The following S100A10 variants were observed in gnomAD, a reference collection of about 807,000 sequenced individuals.
S100A10 encodes the protein S100 calcium binding protein A10.
S100A10 carries 3 observed loss-of-function variants against 7.1 expected under a neutral mutation model. The ratio of observed to expected loss-of-function variants is 0.42; its 90% CI spans 0.19 to 1.10. The LOEUF (loss-of-function observed/expected upper bound fraction) is 1.10, where lower values mean the gene tolerates loss of function less well. S100A10 is among the 50% of genes least tolerant of loss of function. The probability of loss-of-function intolerance (pLI) is 0.29; values close to 1 mark genes in which losing one functional copy is unlikely to be tolerated. For missense variants in S100A10, 101 were observed against 118.1 expected, an observed-to-expected ratio of 0.86 and a Z score of 0.67; for synonymous variants, 41 against 39.3, an observed-to-expected ratio of 1.04 and a Z score of -0.16.
Position 151,986,607 on chromosome 1 carries a change from A to G in S100A10, c.-21-356T>C, listed in dbSNP as rs186529000. On this transcript the variant is annotated intron_variant, in intron 1 of 2. Coordinates refer to ENST00000368811, the MANE Select transcript of S100A10 (RefSeq NM_002966.3). ...CCAATAGCTCCTCAACATCACTCAA[A>G]TGCAATCACCCCAGCCCATTCTATT... 1.8e-3 allele frequency among the ~76,000 whole-genome samples: 268 copies of G among 152,338 alleles called. 6 individuals carry two copies. In the East Asian group the frequency reaches 0.027, roughly 15 times the overall value.
chr1:151,987,439 T>C (rs556329117), intron 1 of S100A10, among the ~76,000 whole-genome samples: 1 of 152,154 alleles, frequency 6.6e-6, no homozygotes, highest in Non-Finnish European at 1.5e-5. Flanking sequence ...ATACGAAAAC[T>C]TCACCCTTCT....
chr1:151,984,869 C>G (rs778097464), intron 2 of S100A10, among the ~76,000 whole-genome samples: 12 of 152,122 alleles, frequency 7.9e-5, no homozygotes, highest in Non-Finnish European at 1.2e-4. Context: ...AGCAACCTGC[C>G]CATTGTTAGT....
At chr1:151,987,701 G>C (rs954260697) in intron 1 of S100A10, among the ~76,000 whole-genome samples, 2 of 151,858 alleles carry the variant, frequency 1.3e-5, no homozygotes, top group African/African-American at 4.8e-5. Context: ...CACCGCGCCC[G>C]ACTAATTTTT....
intron 1 of S100A10, among the ~76,000 whole-genome samples, chr1:151,992,762 C>G (rs887729166): frequency 6.6e-6 from 1 of 152,220 alleles, no homozygotes; most frequent in Admixed American, 6.5e-5. Context: ...CTTAATGCAT[C>G]CCAGAATCTG....
intron 1 of S100A10, among the ~76,000 whole-genome samples, chr1:151,986,453 T>C (rs1655793566): frequency 6.6e-6 from 1 of 152,234 alleles, no homozygotes; most frequent in South Asian, 2.1e-4. Flanking sequence ...AGCACTTCTG[T>C]GGTGAGAACA....
At position 151,987,027 on chromosome 1, in the gene S100A10, CTTTTTT is replaced by C. The variant is rs386368314; in HGVS notation, c.-21-782_-21-777del. 4.2e-4 allele frequency among the ~76,000 whole-genome samples: 35 copies of C among 83,544 alleles called. 1 individual carries two copies. Among genetic ancestry groups the C allele is most frequent in the African/African-American group, 1.0e-3 (21 of 20,834 alleles). 54.8% of individuals were successfully genotyped at this position (83,544 alleles called of 152,430 possible). The stretch of plus-strand genomic sequence containing the variant: ...TTAGAAAAGCAACATCAGTGTTCCT[CTTTTTT>C]TTTTTTTTTTTTTTTTTTTTGAGAC... On this transcript the variant is annotated intron_variant, in intron 1 of 2. Transcript: ENST00000368811.
At position 151,983,059 on chromosome 1, in the gene S100A10, G is replaced by T; in HGVS notation, c.*104C>A. ...TATTTTTACATTTGCTAAGTGTCCT[G>T]ATCTGCTCATGAAATCCTTCTATGG... On this transcript the variant is annotated 3_prime_UTR_variant, in exon 3 of 3. Coordinates refer to ENST00000368811, the MANE Select transcript of S100A10 (RefSeq NM_002966.3). 1 of 723,850 alleles carries T rather than the reference G, an allele frequency of 1.4e-6. No individual in the cohort carries two copies. Among genetic ancestry groups the T allele is most frequent in the Non-Finnish European group, 2.1e-6 (1 of 473,062 alleles). The allele number at this position is 723,850 out of a possible 1,614,324, so 44.8% of individuals were successfully genotyped here. A position where few individuals can be genotyped will look rare whatever the true frequency, so the allele number is the denominator to read the frequency against.
chr1:151,990,879 T>C (rs1380272168), intron 1 of S100A10, among the ~76,000 whole-genome samples: 1 of 152,242 alleles, frequency 6.6e-6, no homozygotes, highest in African/African-American at 2.4e-5. Context: ...GCCTGCTCGA[T>C]GAATTGTTAA....
chr1:151,990,765 G>A (rs1416631179), intron 1 of S100A10, among the ~76,000 whole-genome samples: 1 of 152,166 alleles, frequency 6.6e-6, no homozygotes, highest in Admixed American at 6.5e-5. Flanking sequence ...TACTATTAAA[G>A]CATTTGGCCT....
At chr1:151,986,883 A>C (rs903069145) in intron 1 of S100A10, among the ~76,000 whole-genome samples, 12 of 152,286 alleles carry the variant, frequency 7.9e-5, no homozygotes, top group Non-Finnish European at 1.0e-4. Context: ...AGTCCACCCC[A>C]GTTTGGGTCC....
chr1:151,985,894 A>G (rs1213328120), intron 2 of S100A10, among the ~76,000 whole-genome samples: 4 of 152,260 alleles, frequency 2.6e-5, no homozygotes, highest in African/African-American at 4.8e-5. Context: ...TGTTTCCTCA[A>G]CAGTATCTTA....
intron 1 of S100A10, among the ~76,000 whole-genome samples, chr1:151,987,347 A>G (rs953634567): frequency 6.6e-6 from 1 of 151,714 alleles, no homozygotes; most frequent in African/African-American, 2.4e-5. Flanking sequence ...AAGAACAGAT[A>G]GTTCATAATT....
intron 1 of S100A10, among the ~76,000 whole-genome samples, chr1:151,987,027 CTTT>C (rs386368314): frequency 7.2e-5 from 6 of 83,548 alleles, no homozygotes; most frequent in Non-Finnish European, 1.3e-4. Flanking sequence ...CAGTGTTCCT[CTTT>C]TTTTTTTTTT....
intron 1 of S100A10, among the ~76,000 whole-genome samples, chr1:151,987,823 C>T (rs192724340): frequency 1.3e-5 from 2 of 152,308 alleles, no homozygotes; most frequent in Non-Finnish European, 2.9e-5. Flanking sequence ...CCACTATGCC[C>T]GGCCTATATG....
In S100A10 at chr1:151,993,836, C is replaced by T. The variant is rs1366134469; in HGVS notation, c.-106G>A. The stretch of plus-strand genomic sequence containing the variant: ...GCGAGCGCGGCGGGCTGTGCGCCTT[C>T]CTTAGTACGTGCGGCGGGTGGGTAG... On this transcript the variant is annotated 5_prime_UTR_variant, in exon 1 of 3. Coordinates refer to ENST00000368811, the MANE Select transcript of S100A10 (RefSeq NM_002966.3). The surrounding 1 kb of genome is among the most constrained non-coding windows in gnomAD (Gnocchi z 5.1). 1 of 154,054 alleles carries T rather than the reference C, an allele frequency of 6.5e-6. No individual in the cohort carries two copies. Among genetic ancestry groups the T allele is most frequent in the East Asian group, 1.9e-4 (1 of 5,250 alleles). The allele number at this position is 154,054 out of a possible 1,614,324, so 9.5% of individuals were successfully genotyped here. A position where few individuals can be genotyped will look rare whatever the true frequency, so the allele number is the denominator to read the frequency against.
chr1:151,986,497 A>G (rs1655794308), intron 1 of S100A10, among the ~76,000 whole-genome samples: 1 of 152,214 alleles, frequency 6.6e-6, no homozygotes, highest in African/African-American at 2.4e-5. Flanking sequence ...CAAGAATACA[A>G]TACATTGTAA....
At position 151,983,198 on chromosome 1, in the gene S100A10, A is replaced by G. The variant is rs1486083274; in HGVS notation, c.259T>C (p.Phe87Leu). 1 of 1,592,564 alleles carries G rather than the reference A, an allele frequency of 6.3e-7. No homozygotes were observed. The highest frequency in any genetic ancestry group is 8.5e-7 in the Non-Finnish European group (1 of 1,173,646). The change falls in exon 3 of 3, where the codon TTT becomes CTT. Residue 87 changes from phenylalanine to leucine, a missense_variant. By Grantham distance (22) the Phe-to-Leu change is conservative. Coordinates refer to ENST00000368811, the MANE Select transcript of S100A10 (RefSeq NM_002966.3). The stretch of plus-strand genomic sequence containing the variant: ...CCCTTCTGCTTCATGTGTACTACAA[A>G]ATAGTCATTGCATGCAATGGTGAGG... Reference protein sequence around the residue: ...AGLTIACNDYFVVHMKQKGKK With the variant: ...AGLTIACNDYLVVHMKQKGKK
At chr1:151,991,075 T>G (rs976464552) in intron 1 of S100A10, among the ~76,000 whole-genome samples, 2 of 152,188 alleles carry the variant, frequency 1.3e-5, no homozygotes, top group Non-Finnish European at 2.9e-5. Flanking sequence ...CTCTGTGTCT[T>G]GTCCATACCC....
intron 1 of S100A10, among the ~76,000 whole-genome samples, chr1:151,991,101 C>A (rs1655895161): frequency 6.6e-6 from 1 of 152,088 alleles, no homozygotes. Context: ...TTCTTACAGC[C>A]CACCCAGAAA....
Sources: gnomAD v4.1 joint callset for allele counts (sites outside exome capture counted in the v4.1 genomes callset) on GRCh38, gnomAD v4.1.1 for gene constraint, Gnocchi (gnomAD v3.1) non-coding constraint, MANE v1.5 for transcripts, NCBI Gene and HGNC (gene_info 2026-07-23, HGNC 2026-07-21) for gene names.